The following XYLT1 variants were observed in gnomAD, a reference collection of about 807,000 sequenced individuals.
XYLT1 encodes the protein beta-D-xylosyltransferase 1.
Under a neutral mutation model 91.3 loss-of-function variants are expected in XYLT1, and 36 were observed. The observed-to-expected ratio is 0.39, with a 90% CI of 0.30 to 0.52. The LOEUF (loss-of-function observed/expected upper bound fraction) is 0.52. Among genes scored for constraint, XYLT1 ranks in the 20% least tolerant of loss-of-function variants. The pLI is 0.68. For missense variants in XYLT1, 1,242 were observed against 1,284.5 expected (o/e 0.97, Z 0.51); for synonymous variants, 588 against 532.0 (o/e 1.11, Z -1.45).
intron 1 of XYLT1, among the ~76,000 whole-genome samples, chr16:17,416,616 A>G (rs1363552755): frequency 6.6e-6 from 1 of 152,156 alleles, no homozygotes; most frequent in Non-Finnish European, 1.5e-5. Context: ...ACCCTGGAGG[A>G]GCTGCGGCTC....
intron 2 of XYLT1, among the ~76,000 whole-genome samples, chr16:17,345,513 A>G (rs1430303835): frequency 6.6e-6 from 1 of 152,200 alleles, no homozygotes; most frequent in Non-Finnish European, 1.5e-5. Flanking sequence ...AAGAGAGAAA[A>G]GGCAGGGGGT....
In XYLT1 at chr16:17,429,932, ATTT is replaced by A. The variant is rs34434695; in HGVS notation, c.363+40499_363+40501del. Among the ~76,000 whole-genome samples, 50 of 119,296 alleles carry A rather than the reference ATTT, an allele frequency of 4.2e-4. No homozygotes were observed. In the South Asian group the frequency reaches 7.0e-3, roughly 17 times the overall value. 78.3% of individuals were successfully genotyped at this position (119,296 alleles called of 152,430 possible). ...ATCATGGGAGCCAATTCCCATAATA[ATTT>A]TTTTTTTTTTTTTTTTTTTGAGACA... On this transcript the variant is annotated intron_variant, in intron 1 of 11. Transcript: ENST00000261381.
chr16:17,354,226 G>A (rs908757423), intron 2 of XYLT1, among the ~76,000 whole-genome samples: 3 of 152,126 alleles, frequency 2.0e-5, no homozygotes, highest in East Asian at 1.9e-4. Context: ...CTGCCGAGCC[G>A]GGAAGCTGAC....
At chr16:17,419,406 G>T (rs909774987) in intron 1 of XYLT1, among the ~76,000 whole-genome samples, 1 of 152,040 alleles carries the variant, frequency 6.6e-6, no homozygotes, top group South Asian at 2.1e-4. Flanking sequence ...TAGCTCAGGG[G>T]TCTCTATGCC....
chr16:17,138,310 G>GGAAGGCATCACTTA, intron 8 of XYLT1, 45 bp downstream of exon 8: 1 of 1,594,768 alleles, frequency 6.3e-7, no homozygotes, highest in Non-Finnish European at 8.6e-7. Context: ...AGGTTTGTTG[G>GGAAGGCATCACTTA]GAAGGCATCA....
intron 1 of XYLT1, among the ~76,000 whole-genome samples, chr16:17,414,566 C>T (rs576799651): frequency 1.2e-4 from 18 of 152,306 alleles, no homozygotes; most frequent in Admixed American, 3.9e-4. Context: ...TCCTTGTAAG[C>T]GCCTTGCTTT....
chr16:17,304,241 T>A (rs1049550396), intron 2 of XYLT1, among the ~76,000 whole-genome samples: 4 of 152,154 alleles, frequency 2.6e-5, no homozygotes. Context: ...TGGGATAGCA[T>A]TCCTCCCAAA....
chr16:17,393,861 C>T (rs899541096), intron 1 of XYLT1, among the ~76,000 whole-genome samples: 2 of 152,098 alleles, frequency 1.3e-5, no homozygotes, highest in African/African-American at 2.4e-5. Context: ...CTGCAAGCTC[C>T]GCCTCCTGGG....
rs1295114728 is a variant in XYLT1, at chr16:17,108,502, C to A, written c.*193G>T. 8 of 557,080 alleles carry A rather than the reference C, an allele frequency of 1.4e-5. No individual in the cohort carries two copies. Among genetic ancestry groups the A allele is most frequent in the Non-Finnish European group, 2.5e-5 (8 of 324,138 alleles). The allele number at this position is 557,080 out of a possible 1,614,324, so 34.5% of individuals were successfully genotyped here. ...TGCAGGGACTGAGCCATCCCACCCGCAGCTTGCCAAAGGCAGGTTGTTGGC... is the reference window on the plus strand; with the variant it reads ...TGCAGGGACTGAGCCATCCCACCCGAAGCTTGCCAAAGGCAGGTTGTTGGC... On this transcript the variant is annotated 3_prime_UTR_variant, in exon 12 of 12. Coordinates refer to ENST00000261381, the MANE Select transcript of XYLT1 (RefSeq NM_022166.4).
chr16:17,277,500 C>T lies in XYLT1; in HGVS notation c.403-18002G>A, dbSNP rs143478935. The stretch of plus-strand genomic sequence containing the variant: ...TGCCTCCGGGGTTCAAGAGATTCTC[C>T]TGCCTCAGCCTCCTGAGTAGGTGGG... On this transcript the variant is annotated intron_variant, in intron 2 of 11. Transcript: ENST00000261381. Among the ~76,000 whole-genome samples, 809 of 152,262 alleles carry T rather than the reference C, an allele frequency of 5.3e-3. 8 individuals carry two copies. Among genetic ancestry groups the T allele is most frequent in the African/African-American group, 0.019 (784 of 41,554 alleles).
chr16:17,269,602 C>T (rs1219040868), intron 2 of XYLT1, among the ~76,000 whole-genome samples: 1 of 152,150 alleles, frequency 6.6e-6, no homozygotes, highest in Non-Finnish European at 1.5e-5. Flanking sequence ...TTCCAGCTAA[C>T]ACCTCTAGAC....
At position 17,470,436 on chromosome 16, in the gene XYLT1, G is replaced by C. The variant is rs2036970303; in HGVS notation, c.361C>G (p.Leu121Val). 2 of 1,230,710 alleles carry C rather than the reference G, an allele frequency of 1.6e-6. No homozygotes were observed. The highest frequency in any genetic ancestry group is 2.0e-6 in the Non-Finnish European group (2 of 986,838). The allele number at this position is 1,230,710 out of a possible 1,614,324, so 76.2% of individuals were successfully genotyped here. Reference protein sequence around the residue: ...ASRGALPARALDPHPSPLITL... With the variant: ...ASRGALPARAVDPHPSPLITL... ...CGCGAGCCGAAAGGGCATCTTACCA[G>C]AGCCCGGGCGGGCAGTGCCCCCCGG... Residue 121 changes from leucine to valine, a missense_variant and splice_region_variant, in exon 1 of 12, where the codon CTG becomes GTG. Around this residue, in one of 3 missense-constraint regions of XYLT1, gnomAD observed 437 missense variants for 411.5 expected, o/e 1.06. Coordinates refer to ENST00000261381, the MANE Select transcript of XYLT1 (RefSeq NM_022166.4).
intron 1 of XYLT1, among the ~76,000 whole-genome samples, chr16:17,426,397 T>C (rs2036319512): frequency 6.6e-6 from 1 of 151,964 alleles, no homozygotes; most frequent in East Asian, 1.9e-4. Context: ...CTGACTCTAC[T>C]AAAAATACAA....
intron 3 of XYLT1, among the ~76,000 whole-genome samples, chr16:17,218,857 G>C (rs886677542): frequency 3.3e-5 from 5 of 152,312 alleles, no homozygotes; most frequent in African/African-American, 1.2e-4. Context: ...CCAGCACAAA[G>C]TCATTTGTTC....
intron 1 of XYLT1, among the ~76,000 whole-genome samples, chr16:17,457,774 G>C (rs964576241): frequency 6.6e-6 from 1 of 152,174 alleles, no homozygotes; most frequent in Non-Finnish European, 1.5e-5. Flanking sequence ...GTGCAAAAGA[G>C]AGACAATGAA....
At chr16:17,398,205 A>G (rs1043983361) in intron 1 of XYLT1, among the ~76,000 whole-genome samples, 2 of 152,220 alleles carry the variant, frequency 1.3e-5, no homozygotes, top group African/African-American at 4.8e-5. Flanking sequence ...CTAGAAGTGC[A>G]TCTAGTCTAT....
At chr16:17,158,106 C>T (rs1597157902) in intron 6 of XYLT1, among the ~76,000 whole-genome samples, 2 of 152,228 alleles carry the variant, frequency 1.3e-5, no homozygotes, top group East Asian at 3.8e-4. Context: ...CTACAGGGGG[C>T]GCTCAATACT....
At chr16:17,109,086 T>A in intron 11 of XYLT1, 69 bp from the exon 12 acceptor site, 1 of 1,410,482 alleles carries the variant, frequency 7.1e-7, no homozygotes, top group Non-Finnish European at 9.4e-7. Flanking sequence ...ATACTTACCC[T>A]GTGCCTGGTG....
intron 7 of XYLT1, among the ~76,000 whole-genome samples, chr16:17,140,906 G>A (rs2030953125): frequency 6.6e-6 from 1 of 152,172 alleles, no homozygotes; most frequent in African/African-American, 2.4e-5. Context: ...AGGAAGAGCT[G>A]CCTTTTCTAT....
Sources: gnomAD v4.1 joint callset for allele counts (sites outside exome capture counted in the v4.1 genomes callset) on GRCh38, gnomAD v4.1.1 for gene constraint, gnomAD v4.1.1 regional missense constraint, MANE v1.5 for transcripts, NCBI Gene and HGNC (gene_info 2026-07-23, HGNC 2026-07-21) for gene names.